NDUFAF5: variants seen among roughly 807,000 people sequenced by gnomAD.
NDUFAF5 encodes the protein NADH:ubiquinone oxidoreductase complex assembly factor 5.
NDUFAF5 carries 34 observed loss-of-function variants against 48.9 expected under a neutral mutation model. The ratio of observed to expected loss-of-function variants is 0.70; its 90% CI spans 0.53 to 0.93. The LOEUF (loss-of-function observed/expected upper bound fraction) is 0.93. NDUFAF5 is among the 40% of genes least tolerant of loss of function. The pLI, the probability that NDUFAF5 is intolerant of heterozygous loss-of-function variation, is 0.00. For synonymous variants in NDUFAF5, 153 were observed against 150.6 expected (o/e 1.02, Z -0.12); for missense variants, 428 against 427.5 (o/e 1.00, Z -0.01).
chr20:13,799,721 C>CTGATGCCTGGAGCAGTTCGTTAAAT (rs1435466331), intron 6 of NDUFAF5, among the ~76,000 whole-genome samples: 1 of 121,988 alleles, frequency 8.2e-6, no homozygotes, highest in Non-Finnish European at 1.7e-5. Context: ...AAGAAAGAAA[C>CTGATGCCTGGAGCAGTTCGTTAAAT]TGATGCCTGG....
intron 4 of NDUFAF5, among the ~76,000 whole-genome samples, chr20:13,793,521 G>A (rs80082676): frequency 2.0e-5 from 3 of 151,558 alleles, no homozygotes; most frequent in Non-Finnish European, 4.4e-5. Context: ...TGTTATTTAC[G>A]GCACATCATT....
chr20:13,786,213 A>T (rs904266530), intron 1 of NDUFAF5, among the ~76,000 whole-genome samples: 1 of 152,242 alleles, frequency 6.6e-6, no homozygotes, highest in African/African-American at 2.4e-5. Flanking sequence ...TATTGAACTC[A>T]TAGCTTGAGC....
At position 13,801,504 on chromosome 20, in the gene NDUFAF5, C is replaced by G; in HGVS notation, c.538C>G (p.Pro180Ala). ...ATTACAGATTCATTATATTTTAAAA[C>G]CAGATGGAGTGTTTATCGGTGCAAT... ...ALEQIHYILK[P>A]DGVFIGAMFG... Residue 180 changes from proline (P) to alanine (A), a missense_variant, in exon 7 of 11, where the codon CCA becomes GCA. Physicochemically the swap from Pro to Ala is conservative, Grantham distance 27 (BLOSUM62 -1). Transcript: ENST00000378106. 1 of 1,611,036 alleles carries G rather than the reference C, an allele frequency of 6.2e-7. No homozygotes were observed. The highest frequency in any genetic ancestry group is 2.2e-5 in the East Asian group (1 of 44,806).
chr20:13,793,358 T>C (rs1982637662), intron 4 of NDUFAF5, 131 bp downstream of exon 4: 4 of 858,962 alleles, frequency 4.7e-6, no homozygotes, highest in Admixed American at 4.5e-5. Flanking sequence ...ACAGGAAATA[T>C]CAAGAACAAA....
chr20:13,791,748 C>T (rs1251830313), intron 3 of NDUFAF5, among the ~76,000 whole-genome samples: 1 of 152,192 alleles, frequency 6.6e-6, no homozygotes, highest in East Asian at 1.9e-4. Flanking sequence ...AACAATGTTC[C>T]TCCTGTTCGC....
intron 2 of NDUFAF5, among the ~76,000 whole-genome samples, chr20:13,787,596 C>T (rs1293877800): frequency 6.6e-6 from 1 of 152,194 alleles, no homozygotes; most frequent in Non-Finnish European, 1.5e-5. Flanking sequence ...CCTGAATCCA[C>T]TTGATTTGGC....
chr20:13,818,393 T>C lies in NDUFAF5; in HGVS notation c.*1183T>C, dbSNP rs990599944. 5.6e-6 allele frequency: 2 copies of C among 356,764 alleles called. No individual in the cohort carries two copies. 22.1% of individuals were successfully genotyped at this position (356,764 alleles called of 1,614,324 possible). On this transcript the variant is annotated 3_prime_UTR_variant, in exon 11 of 11. Transcript: ENST00000378106. ...GGATACGCTTGGTAGCTTTTTTGTTTTAACACAAAGTAAACCTGTGAAGTA... is the reference window on the plus strand; with the variant it reads ...GGATACGCTTGGTAGCTTTTTTGTTCTAACACAAAGTAAACCTGTGAAGTA...
Position 13,794,753 on chromosome 20 carries a change from G to T in NDUFAF5, c.376-85G>T, listed in dbSNP as rs1007015476. The T allele has an allele frequency of 3.8e-5, 34 of 893,074 alleles. No individual in the cohort carries two copies. In the African/African-American group the frequency reaches 5.3e-4, roughly 14 times the overall value. 55.3% of individuals were successfully genotyped at this position (893,074 alleles called of 1,614,324 possible). On this transcript the variant is annotated intron_variant, in intron 4 of 10. Coordinates refer to ENST00000378106, the MANE Select transcript of NDUFAF5 (RefSeq NM_024120.5). ...GAAACTGCCAAGTAAATATAACATT[G>T]ACTTCAATTTAACAAACAGTGATTG...
At chr20:13,786,271 T>C (rs996076108) in intron 1 of NDUFAF5, among the ~76,000 whole-genome samples, 12 of 152,212 alleles carry the variant, frequency 7.9e-5, no homozygotes, top group Non-Finnish European at 1.5e-4. Context: ...ACAGGGTGTC[T>C]TTCTCAGGAA....
intron 4 of NDUFAF5, among the ~76,000 whole-genome samples, chr20:13,794,433 C>T (rs1982846664): frequency 6.6e-6 from 1 of 152,170 alleles, no homozygotes; most frequent in Non-Finnish European, 1.5e-5. Flanking sequence ...GTGCGTGCCA[C>T]CACGTCCAGC....
chr20:13,800,902 C>CT (rs1984016446), intron 6 of NDUFAF5, among the ~76,000 whole-genome samples: 1 of 152,190 alleles, frequency 6.6e-6, no homozygotes, highest in Admixed American at 6.5e-5. Context: ...TCTCCTCCTC[C>CT]TCTAGGCTAG....
rs1413204770 is a variant in NDUFAF5 at position 13,818,302 on chromosome 20, A to G, written c.*1092A>G. ...AAGACTAAGTTATAGTTAAAAACCA[A>G]GATTTGTAGGAGAAAAAGAAATTAT... On this transcript the variant is annotated 3_prime_UTR_variant, in exon 11 of 11. Coordinates refer to ENST00000378106, the MANE Select transcript of NDUFAF5 (RefSeq NM_024120.5). 2.3e-6 allele frequency: 1 copy of G among 439,010 alleles called. No individual in the cohort carries two copies. Among genetic ancestry groups the G allele is most frequent in the East Asian group, 7.0e-5 (1 of 14,242 alleles). The allele number at this position is 439,010 out of a possible 1,614,324, so 27.2% of individuals were successfully genotyped here. A position where few individuals can be genotyped will look rare whatever the true frequency, so the allele number is the denominator to read the frequency against.
intron 7 of NDUFAF5, among the ~76,000 whole-genome samples, chr20:13,804,006 G>C (rs1002941753): frequency 6.6e-6 from 1 of 152,020 alleles, no homozygotes; most frequent in Non-Finnish European, 1.5e-5. Context: ...GTCTGGTCTC[G>C]AACTCTTGAC....
At chr20:13,805,070 A>G (rs797015041) in intron 7 of NDUFAF5, among the ~76,000 whole-genome samples, 38 of 152,308 alleles carry the variant, frequency 2.5e-4, no homozygotes, top group African/African-American at 8.9e-4. Flanking sequence ...ATCGTCTCCT[A>G]TATTGCTGTG....
At chr20:13,790,586 A>G (rs28680787) in intron 3 of NDUFAF5, among the ~76,000 whole-genome samples, 52,685 of 152,034 alleles carry the variant, frequency 0.35, 9,367 homozygotes, top group Middle Eastern at 0.49. Context: ...CGTAAAACAC[A>G]AATCAAATCA....
chr20:13,815,341 G>C (rs765405815), intron 8 of NDUFAF5, among the ~76,000 whole-genome samples: 4 of 152,028 alleles, frequency 2.6e-5, no homozygotes, highest in Non-Finnish European at 4.4e-5. Flanking sequence ...TTGGCCCAAG[G>C]TTATCCAGCT....
chr20:13,811,953 G>C (rs1054840173), intron 8 of NDUFAF5, among the ~76,000 whole-genome samples: 3 of 152,148 alleles, frequency 2.0e-5, no homozygotes, highest in African/African-American at 7.2e-5. Context: ...AAAGAAAGAG[G>C]ATTATACAAA....
intron 9 of NDUFAF5, 154 bp downstream of exon 9, chr20:13,816,700 C>T: frequency 1.3e-6 from 1 of 776,334 alleles, no homozygotes; most frequent in Non-Finnish European, 2.3e-6. Context: ...TAGCTTTTTC[C>T]AGACAGCCTT....
intron 8 of NDUFAF5, chr20:13,816,142 T>C (rs1358845684): frequency 2.5e-6 from 1 of 405,466 alleles, no homozygotes; most frequent in South Asian, 2.2e-5. Flanking sequence ...TGCCAATTGC[T>C]GACAACTCAC....
Sources: allele counts gnomAD v4.1 joint callset (sites outside exome capture counted in the v4.1 genomes callset), GRCh38; gene constraint gnomAD v4.1.1; transcripts MANE v1.5; gene names NCBI Gene and HGNC (gene_info 2026-07-23, HGNC 2026-07-21).